C1QTNF3: variants seen among roughly 807,000 people sequenced by gnomAD.
C1QTNF3 encodes the protein complement C1q tumor necrosis factor-related protein 3.
A neutral mutation model predicts 32.6 loss-of-function variants in C1QTNF3; 26 were observed. The ratio of observed to expected loss-of-function variants is 0.80; its 90% CI spans 0.58 to 1.11. The LOEUF (loss-of-function observed/expected upper bound fraction) is 1.11. Ranked by LOEUF, C1QTNF3 falls within the 50% of genes least tolerant of loss-of-function variation. The pLI, the probability that C1QTNF3 is intolerant of heterozygous loss-of-function variation, is 0.00. For missense variants in C1QTNF3, 362 were observed against 398.2 expected, an observed-to-expected ratio of 0.91 and a Z score of 0.77; for synonymous variants, 155 against 146.0, an observed-to-expected ratio of 1.06 and a Z score of -0.44.
At chr5:34,241,869 G>C in the C1QTNF3 span, among the ~76,000 whole-genome samples, 1 of 150,722 alleles carries the variant, frequency 6.6e-6, no homozygotes. Flanking sequence ...TCCAGCCTGG[G>C]TGAAAGGGTG....
intron 5 of C1QTNF3, among the ~76,000 whole-genome samples, chr5:34,022,021 G>A (rs1159136574): frequency 6.6e-6 from 1 of 152,182 alleles, no homozygotes; most frequent in Non-Finnish European, 1.5e-5. Flanking sequence ...TGCCCAAATC[G>A]ATTGCTTTAG....
chr5:34,225,557 G>A, the C1QTNF3 span, among the ~76,000 whole-genome samples: 11 of 151,748 alleles, frequency 7.2e-5, no homozygotes, highest in Admixed American at 1.3e-4. Context: ...TTCAGCATTC[G>A]TCTGAGTATT....
At chr5:34,202,306 A>C in the C1QTNF3 span, among the ~76,000 whole-genome samples, 1 of 150,952 alleles carries the variant, frequency 6.6e-6, no homozygotes, top group African/African-American at 2.4e-5. Context: ...GCTGGAACCT[A>C]TATTACTCTC....
chr5:34,220,137 T>C, the C1QTNF3 span, among the ~76,000 whole-genome samples: 1 of 152,110 alleles, frequency 6.6e-6, no homozygotes, highest in South Asian at 2.1e-4. Flanking sequence ...CAAGATGCAC[T>C]ACACAAAGCA....
chr5:34,033,448 T>A lies in C1QTNF3; in HGVS notation c.426A>T (p.Gly142=). The change falls in exon 3 of 6, where the codon GGA becomes GGT. Residue 142 remains glycine, a synonymous_variant. Transcript: ENST00000382065. ...PGPPGIPGNH[G]NNGNNGATGH... The stretch of plus-strand genomic sequence containing the variant: ...CAGTGGCTCCATTGTTGCCATTGTT[T>A]CCATGGTTTCCTTAAACAACCAGAC... 4 of 1,614,174 alleles carry A rather than the reference T, an allele frequency of 2.5e-6. No individual in the cohort carries two copies. Among genetic ancestry groups the A allele is most frequent in the Non-Finnish European group, 3.4e-6 (4 of 1,180,022 alleles).
chr5:34,064,197 A>G, the C1QTNF3 span, among the ~76,000 whole-genome samples: 2 of 152,120 alleles, frequency 1.3e-5, no homozygotes, highest in East Asian at 1.9e-4. Flanking sequence ...GGTGCCCAGT[A>G]TTTTCCTCCA....
the C1QTNF3 span, among the ~76,000 whole-genome samples, chr5:34,207,927 AC>A: frequency 6.6e-6 from 1 of 151,986 alleles, no homozygotes; most frequent in Non-Finnish European, 1.5e-5. Context: ...AGATGGGACT[AC>A]AGGCGCCCGC....
the C1QTNF3 span, among the ~76,000 whole-genome samples, chr5:34,205,993 G>C: frequency 1.3e-5 from 2 of 148,828 alleles, no homozygotes; most frequent in South Asian, 4.3e-4. Context: ...AAATCTATTT[G>C]TGAGATATGT....
chr5:34,226,630 G>A, the C1QTNF3 span, among the ~76,000 whole-genome samples: 1 of 151,514 alleles, frequency 6.6e-6, no homozygotes, highest in South Asian at 2.1e-4. Context: ...ACAAGGTTTA[G>A]GGGCATCAAA....
the C1QTNF3 span, among the ~76,000 whole-genome samples, chr5:34,225,582 T>C: frequency 2.0e-5 from 3 of 151,964 alleles, no homozygotes; most frequent in Non-Finnish European, 4.4e-5. Flanking sequence ...GGGCAGCAAT[T>C]GACCCCTCTG....
intron 1 of C1QTNF3, among the ~76,000 whole-genome samples, chr5:34,036,786 T>G (rs2112117927): frequency 6.6e-6 from 1 of 152,226 alleles, no homozygotes; most frequent in East Asian, 1.9e-4. Context: ...ATCCCATCTC[T>G]ACTAAAAATA....
At chr5:34,022,243 T>G (rs1754348134) in intron 5 of C1QTNF3, among the ~76,000 whole-genome samples, 1 of 152,158 alleles carries the variant, frequency 6.6e-6, no homozygotes, top group South Asian at 2.1e-4. Context: ...AGTAAGTTTC[T>G]GAGGAAATGG....
chr5:34,115,744 A>T, the C1QTNF3 span, among the ~76,000 whole-genome samples: 1 of 151,286 alleles, frequency 6.6e-6, no homozygotes, highest in Admixed American at 6.6e-5. Flanking sequence ...AAAAAAAAAA[A>T]AAAACTTTCA....
At chr5:34,080,993 A>G in the C1QTNF3 span, among the ~76,000 whole-genome samples, 1 of 151,718 alleles carries the variant, frequency 6.6e-6, no homozygotes, top group African/African-American at 2.4e-5. Context: ...TAGATCAGTC[A>G]GCTACAGTTA....
the C1QTNF3 span, among the ~76,000 whole-genome samples, chr5:34,157,747 A>G: frequency 6.6e-6 from 1 of 152,182 alleles, no homozygotes; most frequent in African/African-American, 2.4e-5. Flanking sequence ...AGGAAATAAA[A>G]TATTTCTTCT....
the C1QTNF3 span, chr5:34,124,610 C>CT: frequency 1.9e-6 from 1 of 527,686 alleles, no homozygotes; most frequent in Non-Finnish European, 3.5e-6. Flanking sequence ...AGGGATCCAC[C>CT]CCCATGATCC....
Position 34,019,980 on chromosome 5 carries a change from TACTGGTCAAGC to T in C1QTNF3, c.*592_*602del, listed in dbSNP as rs1343203320. On this transcript the variant is annotated 3_prime_UTR_variant, in exon 6 of 6. Coordinates refer to ENST00000382065, the MANE Select transcript of C1QTNF3 (RefSeq NM_181435.6). ...AACATACACAAAATTACAACCACAT[TACTGGTCAAGC>T]ACTTTATAGCTAAAATCTATTGACT... 1 of 152,444 alleles carries T rather than the reference TACTGGTCAAGC, an allele frequency of 6.6e-6. No homozygotes were observed. Among genetic ancestry groups the T allele is most frequent in the African/African-American group, 2.4e-5 (1 of 41,446 alleles). The allele number at this position is 152,444 out of a possible 1,614,324, so 9.4% of individuals were successfully genotyped here. A position where few individuals can be genotyped will look rare whatever the true frequency, so the allele number is the denominator to read the frequency against.
At chr5:34,143,721 A>G in the C1QTNF3 span, among the ~76,000 whole-genome samples, 1 of 152,202 alleles carries the variant, frequency 6.6e-6, no homozygotes, top group Admixed American at 6.5e-5. Flanking sequence ...TCTTCTCAGA[A>G]AAGCAAATAC....
At chr5:34,205,564 C>T in the C1QTNF3 span, among the ~76,000 whole-genome samples, 1 of 152,104 alleles carries the variant, frequency 6.6e-6, no homozygotes, top group African/African-American at 2.4e-5. Context: ...TGGCTGCTTC[C>T]TCTTTGCCTT....
Sources: gnomAD v4.1 joint callset for allele counts (sites outside exome capture counted in the v4.1 genomes callset) on GRCh38, gnomAD v4.1.1 for gene constraint, MANE v1.5 for transcripts, NCBI Gene and HGNC (gene_info 2026-07-23, HGNC 2026-07-21) for gene names.